DSCAM: variants seen among roughly 807,000 people sequenced by gnomAD.
DSCAM encodes the protein DS cell adhesion molecule.
DSCAM carries 47 observed loss-of-function variants against 217.7 expected under a neutral mutation model. That is an observed-to-expected ratio of 0.22 (90% CI 0.17 to 0.28). The LOEUF (loss-of-function observed/expected upper bound fraction) is 0.28. DSCAM is among the 10% of genes least tolerant of loss of function. The probability of loss-of-function intolerance (pLI) is 1.00; values close to 1 mark genes in which losing one functional copy is unlikely to be tolerated. For missense variants in DSCAM, 2,080 were observed against 2,618.3 expected (o/e 0.79, Z 4.49); for synonymous variants, 1,056 against 1,015.3 (o/e 1.04, Z -0.76).
In DSCAM at chr21:40,368,020, GAT is replaced by G. The variant is rs1464819500; in HGVS notation, c.655+1077_655+1078del. The stretch of plus-strand genomic sequence containing the variant: ...GAGATACATTTAAAAATCAACACTT[GAT>G]GATTCAGCATGAAGATAAAAAAGGT... On this transcript the variant is annotated intron_variant, in intron 4 of 32. Coordinates refer to ENST00000400454, the MANE Select transcript of DSCAM (RefSeq NM_001389.5). 2.6e-5 allele frequency among the ~76,000 whole-genome samples: 4 copies of G among 152,274 alleles called. No individual in the cohort carries two copies. The East Asian group carries it at 7.7e-4, about 29-fold the overall frequency.
intron 3 of DSCAM, among the ~76,000 whole-genome samples, chr21:40,399,272 A>AAAAC (rs1491090113): frequency 5.1e-5 from 5 of 97,090 alleles, no homozygotes; most frequent in African/African-American, 2.4e-4. Context: ...CCTGTCTCAC[A>AAAAC]AAACAAAACA....
chr21:40,144,655 T>C lies in DSCAM; in HGVS notation c.3095A>G (p.Asn1032Ser). Reference protein sequence around the residue: ...IGYREYSTGGNFQFNIISVDT... With the variant: ...IGYREYSTGGSFQFNIISVDT... The stretch of plus-strand genomic sequence containing the variant: ...GACACTGATAATGTTGAATTGGAAG[T>C]TACCCCCAGTGCTGTACTCTCGGTA... Residue 1032 changes from asparagine to serine, a missense_variant, in exon 17 of 33, where the codon AAC (asparagine) becomes AGC (serine). Coordinates refer to ENST00000400454, the MANE Select transcript of DSCAM (RefSeq NM_001389.5). This position sits in a 1 kb window ranked among gnomAD's most constrained non-coding sequence, Gnocchi z 4.8. 1 of 1,614,086 alleles carries C rather than the reference T, an allele frequency of 6.2e-7. No individual in the cohort carries two copies. Among genetic ancestry groups the C allele is most frequent in the Non-Finnish European group, 8.5e-7 (1 of 1,180,016 alleles).
intron 3 of DSCAM, among the ~76,000 whole-genome samples, chr21:40,675,255 T>C (rs1339760077): frequency 6.6e-6 from 1 of 152,246 alleles, no homozygotes; most frequent in African/African-American, 2.4e-5. Flanking sequence ...ATCTGTCAGA[T>C]TGGCTTGATC....
intron 1 of DSCAM, among the ~76,000 whole-genome samples, chr21:40,825,240 T>C (rs1370250144): frequency 1.3e-5 from 2 of 152,034 alleles, no homozygotes; most frequent in African/African-American, 4.8e-5. Context: ...TTAGTGCATA[T>C]AGGTGTTCAG....
chr21:40,226,398 T>C (rs535451438), intron 11 of DSCAM, among the ~76,000 whole-genome samples: 40 of 152,318 alleles, frequency 2.6e-4, no homozygotes, highest in African/African-American at 8.7e-4. Flanking sequence ...GAGTTGATAA[T>C]AGCTCAGTTC....
At chr21:40,120,925 A>G (rs1568951231) in intron 20 of DSCAM, among the ~76,000 whole-genome samples, 1 of 152,236 alleles carries the variant, frequency 6.6e-6, no homozygotes, top group Non-Finnish European at 1.5e-5. Context: ...GTTCTTTCCC[A>G]AGAAGGGGAG....
chr21:40,313,730 A>G (rs2074165889), intron 8 of DSCAM, among the ~76,000 whole-genome samples: 1 of 152,136 alleles, frequency 6.6e-6, no homozygotes, highest in African/African-American at 2.4e-5. Context: ...CAATATAACT[A>G]ATATCAGAGC....
intron 3 of DSCAM, among the ~76,000 whole-genome samples, chr21:40,526,137 C>A (rs1046760437): frequency 3.9e-5 from 6 of 152,164 alleles, no homozygotes; most frequent in Non-Finnish European, 7.3e-5. Flanking sequence ...TAGGATCTTG[C>A]TTCTCGGGGA....
At chr21:40,064,211 A>G (rs1277122923) in intron 27 of DSCAM, among the ~76,000 whole-genome samples, 2 of 152,022 alleles carry the variant, frequency 1.3e-5, no homozygotes, top group Non-Finnish European at 2.9e-5. Flanking sequence ...ATATAATGCC[A>G]GAAGCCTGGA....
chr21:40,340,580 G>A lies in DSCAM; in HGVS notation c.1211-1165C>T, dbSNP rs1204353493. On this transcript the variant is annotated intron_variant, in intron 6 of 32. Transcript: ENST00000400454. ...ACATAATTGCAATCACATGCCACAG[G>A]ATTTCTGAGTCTGGTAAGAGACCTT... is the stretch of plus-strand genomic sequence containing the variant. Among the ~76,000 whole-genome samples, 4 of 152,232 alleles carry A rather than the reference G, an allele frequency of 2.6e-5. No individual in the cohort carries two copies. The East Asian group carries it at 7.7e-4, about 29-fold the overall frequency.
chr21:40,366,733 T>C (rs137923342), intron 4 of DSCAM, among the ~76,000 whole-genome samples: 1 of 152,248 alleles, frequency 6.6e-6, no homozygotes, highest in African/African-American at 2.4e-5. Context: ...CAGGAGAGGA[T>C]GAAATGAGTA....
chr21:40,220,742 C>G (rs1047083016), intron 11 of DSCAM, among the ~76,000 whole-genome samples: 2 of 152,156 alleles, frequency 1.3e-5, no homozygotes, highest in African/African-American at 4.8e-5. Flanking sequence ...ATGCAGGACA[C>G]AATTTATTTC....
At position 40,821,093 on chromosome 21, in the gene DSCAM, G is replaced by GATATATATATCTTCACATATATAT. The variant is rs1555892326; in HGVS notation, c.43+25525_43+25526insATATATATGTGAAGATATATATAT. 4.1e-3 allele frequency among the ~76,000 whole-genome samples: 530 copies of GATATATATATCTTCACATATATAT among 129,346 alleles called. 1 individual carries two copies. Among genetic ancestry groups the GATATATATATCTTCACATATATAT allele is most frequent in the African/African-American group, 0.014 (479 of 33,790 alleles). The allele number at this position is 129,346 out of a possible 152,430, so 84.9% of individuals were successfully genotyped here. A position where few individuals can be genotyped will look rare whatever the true frequency, so the allele number is the denominator to read the frequency against. ...ACATATAGATCTTCACATATATAGA[G>GATATATATATCTTCACATATATAT]AGATATATATATCTTCACATATATA... is the stretch of plus-strand genomic sequence containing the variant. On this transcript the variant is annotated intron_variant, in intron 1 of 32. Coordinates refer to ENST00000400454, the MANE Select transcript of DSCAM (RefSeq NM_001389.5).
At chr21:40,070,227 G>C (rs1363818726) in intron 27 of DSCAM, among the ~76,000 whole-genome samples, 4 of 120,666 alleles carry the variant, frequency 3.3e-5, no homozygotes, top group East Asian at 6.3e-4. Context: ...AGAGAGAAGG[G>C]GAAAGGAAGG....
chr21:40,121,039 C>T (rs1282912830), intron 20 of DSCAM, among the ~76,000 whole-genome samples: 1 of 152,036 alleles, frequency 6.6e-6, no homozygotes, highest in Non-Finnish European at 1.5e-5. Flanking sequence ...CTGATTTATC[C>T]CCCTATGTTC....
intron 1 of DSCAM, among the ~76,000 whole-genome samples, chr21:40,753,825 G>A (rs910495615): frequency 6.6e-6 from 1 of 152,166 alleles, no homozygotes; most frequent in South Asian, 2.1e-4. Flanking sequence ...TTTATAGAAC[G>A]AATGAAGACA....
In DSCAM at chr21:40,620,170, GAGAA is replaced by G. The variant is rs1448605506; in HGVS notation, c.508+72636_508+72639del. ...AAAAAGAAAAAGAAAGAAAGAGAGA[GAGAA>G]AGAGAGAGAAAAAAGAAAAAGAAAG... On this transcript the variant is annotated intron_variant, in intron 3 of 32. Transcript: ENST00000400454. Among the ~76,000 whole-genome samples, 16 of 107,162 alleles carry G rather than the reference GAGAA, an allele frequency of 1.5e-4. 1 individual carries two copies. The highest frequency in any genetic ancestry group is 3.3e-4 in the African/African-American group (8 of 24,224). The allele number at this position is 107,162 out of a possible 152,430, so 70.3% of individuals were successfully genotyped here.
intron 10 of DSCAM, among the ~76,000 whole-genome samples, chr21:40,293,477 C>A (rs1270772257): frequency 6.6e-6 from 1 of 152,154 alleles, no homozygotes; most frequent in African/African-American, 2.4e-5. Context: ...GAGCTGTCGA[C>A]ATCCAGAGTC....
At position 40,648,752 on chromosome 21, in the gene DSCAM, C is replaced by T. The variant is rs1386210537; in HGVS notation, c.508+44058G>A. 4.6e-5 allele frequency among the ~76,000 whole-genome samples: 7 copies of T among 152,200 alleles called. No homozygotes were observed. The South Asian group carries it at 1.0e-3, about 23-fold the overall frequency. On this transcript the variant is annotated intron_variant, in intron 3 of 32. Transcript: ENST00000400454. ...ATAAAAAGCTCCAGACCTAGCCACACTGGGAGATAAACAACCCAACTGAGG... is the reference window on the plus strand; with the variant it reads ...ATAAAAAGCTCCAGACCTAGCCACATTGGGAGATAAACAACCCAACTGAGG...
Sources: allele counts gnomAD v4.1 joint callset (sites outside exome capture counted in the v4.1 genomes callset), GRCh38; gene constraint gnomAD v4.1.1; non-coding constraint Gnocchi (gnomAD v3.1); transcripts MANE v1.5; gene names NCBI Gene and HGNC (gene_info 2026-07-23, HGNC 2026-07-21).